Variants in TLK2 observed in about 807,000 individuals in gnomAD.
The protein encoded by TLK2 is tousled like kinase 2.
Under a neutral mutation model 117.3 loss-of-function variants are expected in TLK2, and 6 were observed. That is an observed-to-expected ratio of 0.05 (90% CI 0.03 to 0.10). The LOEUF (loss-of-function observed/expected upper bound fraction) is 0.10, where lower values mean the gene tolerates loss of function less well. Among genes scored for constraint, TLK2 ranks in the 10% least tolerant of loss-of-function variants. TLK2 has a pLI of 1.00. For synonymous variants in TLK2, 257 were observed against 316.7 expected, an observed-to-expected ratio of 0.81 and a Z score of 2.00; for missense variants, 299 against 901.2, an observed-to-expected ratio of 0.33 and a Z score of 8.56.
chr17:62,521,634 C>G (rs1174952288), intron 3 of TLK2, among the ~76,000 whole-genome samples: 2 of 152,156 alleles, frequency 1.3e-5, no homozygotes, highest in Admixed American at 1.3e-4. Context: ...CATCCTCCCA[C>G]CTCAGCCTCC....
intron 10 of TLK2, among the ~76,000 whole-genome samples, chr17:62,563,900 T>G (rs2079510653): frequency 6.6e-6 from 1 of 152,198 alleles, no homozygotes. Flanking sequence ...TGAGGGGTTT[T>G]TCTTGTCTGG....
At chr17:62,503,307 C>G (rs373000967) in intron 2 of TLK2, among the ~76,000 whole-genome samples, 1 of 152,054 alleles carries the variant, frequency 6.6e-6, no homozygotes, top group African/African-American at 2.4e-5. Context: ...ATCCGCCTGC[C>G]TTGGCCTCCC....
intron 10 of TLK2, among the ~76,000 whole-genome samples, chr17:62,563,400 A>G (rs2079456020): frequency 6.6e-6 from 1 of 152,164 alleles, no homozygotes; most frequent in African/African-American, 2.4e-5. Context: ...CTGTGATTGC[A>G]CTGCTGCACT....
upstream of TLK2, among the ~76,000 whole-genome samples, chr17:62,478,584 G>C (rs1167465853): frequency 6.6e-6 from 1 of 150,620 alleles, no homozygotes; most frequent in Non-Finnish European, 1.5e-5. Context: ...CAGCCGTCCG[G>C]CGAGGCGCGG....
At chr17:62,519,955 T>G (rs1272529260) in intron 2 of TLK2, among the ~76,000 whole-genome samples, 1 of 152,202 alleles carries the variant, frequency 6.6e-6, no homozygotes, top group African/African-American at 2.4e-5. Flanking sequence ...GGGAACACCC[T>G]TAGACTGAAA....
chr17:62,521,810 T>TACTTTGC (rs2076067249), intron 3 of TLK2, among the ~76,000 whole-genome samples: 1 of 152,186 alleles, frequency 6.6e-6, no homozygotes, highest in African/African-American at 2.4e-5. Context: ...ACCTACTTTG[T>TACTTTGC]ACTTTGCAGA....
chr17:62,536,212 G>T lies in TLK2; in HGVS notation c.406G>T (p.Ala136Ser). 2 of 1,612,604 alleles carry T rather than the reference G, an allele frequency of 1.2e-6. No individual in the cohort carries two copies. Among genetic ancestry groups the T allele is most frequent in the Non-Finnish European group, 1.7e-6 (2 of 1,179,782 alleles). Residue 136 changes from alanine to serine, a missense_variant, in exon 7 of 22, where the codon GCA becomes TCA. Around this residue, in one of 4 missense-constraint regions of TLK2, gnomAD observed 105 missense variants for 218.4 expected, o/e 0.48. Coordinates refer to ENST00000346027, the MANE Select transcript of TLK2 (RefSeq NM_006852.6). The stretch of plus-strand genomic sequence containing the variant: ...CCTCTATGGTTTAGATGGCAGTGCT[G>T]CAAAGGAGGCAACGGAGGAGCAGTC... ...QPLYGLDGSA[A>S]KEATEEQSAL...
At chr17:62,471,533 G>A (rs1169167541) in intron 1 of TLK2, among the ~76,000 whole-genome samples, 1 of 152,200 alleles carries the variant, frequency 6.6e-6, no homozygotes, top group Non-Finnish European at 1.5e-5. Flanking sequence ...CAAGGTCAGA[G>A]ATCAGTCTTT....
intron 2 of TLK2, among the ~76,000 whole-genome samples, chr17:62,503,728 CTTT>C (rs34498481): frequency 3.2e-4 from 40 of 126,674 alleles, no homozygotes; most frequent in Admixed American, 3.2e-4. Flanking sequence ...CTAGTTATAT[CTTT>C]TTTTTTTTTT....
At chr17:62,481,272 A>G in intron 2 of TLK2, 66 bp downstream of exon 2, 1 of 1,580,100 alleles carries the variant, frequency 6.3e-7, no homozygotes, top group Non-Finnish European at 8.7e-7. Context: ...TAAATGATTA[A>G]GAGCAATTTG....
chr17:62,568,715 G>A (rs2146520912), intron 11 of TLK2, among the ~76,000 whole-genome samples: 1 of 151,984 alleles, frequency 6.6e-6, no homozygotes, highest in Admixed American at 6.5e-5. Flanking sequence ...CTCCTCAGTA[G>A]CTGGGATTAC....
At position 62,558,629 on chromosome 17, in the gene TLK2, A is replaced by G. The variant is rs190508765; in HGVS notation, c.721-1387A>G. Among the ~76,000 whole-genome samples the G allele has an allele frequency of 2.5e-3, 382 of 152,354 alleles. 1 individual carries two copies. Among genetic ancestry groups the G allele is most frequent in the African/African-American group, 8.4e-3 (351 of 41,586 alleles). On this transcript the variant is annotated intron_variant, in intron 9 of 21. Transcript: ENST00000346027. ...ACCTTATGAGTAGACTGGGTTTTCC[A>G]TATACATTAAATGATCTTTGCTTCG...
intron 2 of TLK2, among the ~76,000 whole-genome samples, chr17:62,496,977 A>AG: frequency 6.6e-6 from 1 of 150,488 alleles, no homozygotes; most frequent in Middle Eastern, 3.5e-3. Flanking sequence ...AAAAAAAAAA[A>AG]GTTCTTTGGC....
chr17:62,542,887 C>T (rs760808955), intron 7 of TLK2, among the ~76,000 whole-genome samples: 3 of 152,156 alleles, frequency 2.0e-5, no homozygotes, highest in Admixed American at 1.3e-4. Flanking sequence ...GAAATCTTGA[C>T]CTCCTATCTC....
chr17:62,563,744 T>C (rs2079493625), intron 10 of TLK2, among the ~76,000 whole-genome samples: 1 of 152,226 alleles, frequency 6.6e-6, no homozygotes. Flanking sequence ...TTTTTTTCTA[T>C]GTCCTATACT....
intron 9 of TLK2, among the ~76,000 whole-genome samples, chr17:62,559,336 C>T (rs1317500195): frequency 1.3e-5 from 2 of 151,304 alleles, no homozygotes; most frequent in Non-Finnish European, 3.0e-5. Flanking sequence ...TGCTTAATCA[C>T]TCTTTGTATT....
rs1418170337 is a variant in TLK2 at position 62,472,051 on chromosome 17, G to A, written c.-205+973G>A. 1.3e-4 allele frequency among the ~76,000 whole-genome samples: 19 copies of A among 150,708 alleles called. No individual in the cohort carries two copies. In the South Asian group the frequency reaches 1.7e-3, roughly 13 times the overall value. ...CTCCCAAGTAGCTGGGACTACAGGC[G>A]CCCCCCCACCATGTCCGGCTAATTT... On this transcript the variant is annotated intron_variant, in intron 1 of 4. Coordinates refer to the TLK2 transcript ENST00000579450.
At chr17:62,564,922 T>TAAATGTTTTAG in intron 10 of TLK2, 79 bp from the exon 11 acceptor site, 3 of 1,503,356 alleles carry the variant, frequency 2.0e-6, no homozygotes, top group Non-Finnish European at 2.7e-6. Flanking sequence ...CTGATAATGT[T>TAAATGTTTTAG]AAATGTTTTA....
chr17:62,487,698 A>T (rs1216315763), intron 2 of TLK2, among the ~76,000 whole-genome samples: 2 of 127,698 alleles, frequency 1.6e-5, no homozygotes, highest in Non-Finnish European at 3.1e-5. Context: ...ATCTCGGCTC[A>T]CCGCAACATC....
Sources: gnomAD v4.1 joint callset for allele counts (sites outside exome capture counted in the v4.1 genomes callset) on GRCh38, gnomAD v4.1.1 for gene constraint, gnomAD v4.1.1 regional missense constraint, MANE v1.5 for transcripts, NCBI Gene and HGNC (gene_info 2026-07-23, HGNC 2026-07-21) for gene names.